PTPRG: variants seen among roughly 807,000 people sequenced by gnomAD.
PTPRG encodes the protein receptor-type tyrosine-protein phosphatase gamma.
In PTPRG, 102 loss-of-function variants were observed where a neutral mutation model predicts 165.3. The ratio of observed to expected loss-of-function variants is 0.62; its 90% confidence interval spans 0.53 to 0.73. The LOEUF (loss-of-function observed/expected upper bound fraction) is 0.73. Among genes scored for constraint, PTPRG ranks in the 30% least tolerant of loss-of-function variants. The pLI, the probability that PTPRG is intolerant of heterozygous loss-of-function variation, is 0.00. For missense variants in PTPRG, 1,866 were observed against 1,861.4 expected (o/e 1.00, Z -0.05); for synonymous variants, 675 against 669.5 (o/e 1.01, Z -0.13).
intron 4 of PTPRG, among the ~76,000 whole-genome samples, chr3:62,006,410 TC>T (rs1430529143): frequency 6.6e-6 from 1 of 152,232 alleles, no homozygotes; most frequent in African/African-American, 2.4e-5. Context: ...TTAATACCCA[TC>T]TCTCCCTACG....
chr3:61,839,639 A>G (rs2036564683), intron 2 of PTPRG, among the ~76,000 whole-genome samples: 2 of 152,228 alleles, frequency 1.3e-5, no homozygotes, highest in South Asian at 4.1e-4. Flanking sequence ...AAATGCCTGT[A>G]AAATATTTTT....
chr3:62,257,057 T>C (rs1478589776), intron 16 of PTPRG, among the ~76,000 whole-genome samples: 1 of 152,194 alleles, frequency 6.6e-6, no homozygotes, highest in East Asian at 1.9e-4. Flanking sequence ...GTGATTTCAC[T>C]GTCTTTTCAG....
chr3:61,723,295 C>T (rs565598094), intron 1 of PTPRG, among the ~76,000 whole-genome samples: 1 of 151,982 alleles, frequency 6.6e-6, no homozygotes, highest in South Asian at 2.1e-4. Context: ...GTCACAACAG[C>T]ATTAATTTTC....
At chr3:61,563,794 C>T (rs1417625454) in intron 1 of PTPRG, among the ~76,000 whole-genome samples, 5 of 123,264 alleles carry the variant, frequency 4.1e-5, no homozygotes, top group Admixed American at 2.6e-4. Flanking sequence ...CGCGCGGGAG[C>T]CCTCGTCGCC....
intron 1 of PTPRG, among the ~76,000 whole-genome samples, chr3:61,709,144 G>T (rs1363868772): frequency 6.6e-6 from 1 of 152,142 alleles, no homozygotes. Flanking sequence ...TCTCCATTTT[G>T]CAGATGAGGC....
chr3:61,583,271 A>G (rs909249181), intron 1 of PTPRG, among the ~76,000 whole-genome samples: 2 of 152,184 alleles, frequency 1.3e-5, no homozygotes, highest in Non-Finnish European at 2.9e-5. Flanking sequence ...CCCTGAACGC[A>G]AGGCTGAGGC....
intron 4 of PTPRG, among the ~76,000 whole-genome samples, chr3:62,030,143 A>G (rs1249046316): frequency 6.6e-6 from 1 of 152,070 alleles, no homozygotes; most frequent in African/African-American, 2.4e-5. Context: ...CTTTATGCAG[A>G]TAGGTGTTTT....
rs1180085380 is a variant in PTPRG, at chr3:61,634,068, C to G, written c.85+71696C>G. On this transcript the variant is annotated intron_variant, in intron 1 of 29. Transcript: ENST00000474889. ...TAGCTGGGATTACAGCAGTGTGCCACCATGTCTGGCTAATTTTTTTTATTT... is the reference window on the plus strand; with the variant it reads ...TAGCTGGGATTACAGCAGTGTGCCAGCATGTCTGGCTAATTTTTTTTATTT... Among the ~76,000 whole-genome samples, 13 of 152,038 alleles carry G rather than the reference C, an allele frequency of 8.6e-5. No homozygotes were observed. The East Asian group carries it at 2.5e-3, about 29-fold the overall frequency.
intron 2 of PTPRG, among the ~76,000 whole-genome samples, chr3:61,923,806 G>A (rs2039141727): frequency 6.6e-6 from 1 of 150,994 alleles, no homozygotes; most frequent in Admixed American, 6.6e-5. Flanking sequence ...AAAACACTGG[G>A]ACTATAAGCA....
intron 8 of PTPRG, among the ~76,000 whole-genome samples, chr3:62,191,134 C>T (rs1483129159): frequency 6.7e-6 from 1 of 149,248 alleles, no homozygotes; most frequent in African/African-American, 2.5e-5. Flanking sequence ...TGCGTGTGTG[C>T]GTCTGTGTCC....
At chr3:61,995,412 A>G (rs796159642) in intron 3 of PTPRG, among the ~76,000 whole-genome samples, 1 of 152,180 alleles carries the variant, frequency 6.6e-6, no homozygotes, top group African/African-American at 2.4e-5. Context: ...TTCAATAGCA[A>G]TCTTCATGAT....
chr3:61,755,373 C>T (rs1206336052), intron 2 of PTPRG, among the ~76,000 whole-genome samples: 1 of 152,188 alleles, frequency 6.6e-6, no homozygotes, highest in Non-Finnish European at 1.5e-5. Flanking sequence ...GAGAGTCTTC[C>T]TCCATGTCTC....
chr3:62,230,361 A>G (rs1479664689), intron 13 of PTPRG, among the ~76,000 whole-genome samples: 1 of 152,212 alleles, frequency 6.6e-6, no homozygotes. Flanking sequence ...ACCTGGCTTC[A>G]GAATTCTTTG....
intron 4 of PTPRG, among the ~76,000 whole-genome samples, chr3:62,059,349 T>C (rs553493920): frequency 1.2e-4 from 18 of 152,178 alleles, no homozygotes; most frequent in Non-Finnish European, 2.5e-4. Flanking sequence ...AAAACAGCTC[T>C]AAAGCTTGCC....
intron 1 of PTPRG, among the ~76,000 whole-genome samples, chr3:61,563,621 A>G (rs9845678): frequency 0.69 from 104,714 of 152,086 alleles, 36,649 homozygotes; most frequent in East Asian, 0.87. Context: ...TCATCCATCA[A>G]CTCCTGCATA....
chr3:61,636,237 T>G (rs1156752035), intron 1 of PTPRG, among the ~76,000 whole-genome samples: 3 of 152,214 alleles, frequency 2.0e-5, no homozygotes, highest in Non-Finnish European at 4.4e-5. Context: ...TTTAAAGTAT[T>G]TTGCATATAT....
chr3:61,574,167 G>A (rs1414392474), intron 1 of PTPRG, among the ~76,000 whole-genome samples: 1 of 152,198 alleles, frequency 6.6e-6, no homozygotes, highest in East Asian at 1.9e-4. Context: ...TCCAGAAACA[G>A]TGAATGAGGT....
Position 62,217,310 on chromosome 3 carries a change from A to G in PTPRG, c.2156-1541A>G, listed in dbSNP as rs1473985261. 1.3e-5 allele frequency among the ~76,000 whole-genome samples: 2 copies of G among 152,220 alleles called. No individual in the cohort carries two copies. The highest frequency in any genetic ancestry group is 2.9e-5 in the Non-Finnish European group (2 of 68,052). On this transcript the variant is annotated intron_variant, in intron 12 of 29. Coordinates refer to ENST00000474889, the MANE Select transcript of PTPRG (RefSeq NM_002841.4). The surrounding 1 kb of genome is among the most constrained non-coding windows in gnomAD (Gnocchi z 4.3). ...GTCTTCTTACCTGTGAGCAGGGGAT[A>G]CATCAGGTCCTGTCTGCGTCACAGG...
chr3:62,049,732 G>A (rs1220753372), intron 4 of PTPRG, among the ~76,000 whole-genome samples: 2 of 152,174 alleles, frequency 1.3e-5, no homozygotes, highest in African/African-American at 2.4e-5. Context: ...CTCACCCTGC[G>A]TGGTAGGTCA....
Sources: allele counts gnomAD v4.1 joint callset (sites outside exome capture counted in the v4.1 genomes callset), GRCh38; gene constraint gnomAD v4.1.1; non-coding constraint Gnocchi (gnomAD v3.1); transcripts MANE v1.5; gene names NCBI Gene and HGNC (gene_info 2026-07-23, HGNC 2026-07-21).